Variants in PLXNC1 observed in about 807,000 individuals in gnomAD.
PLXNC1 encodes plexin C1.
PLXNC1 carries 75 observed loss-of-function variants against 178.2 expected under a neutral mutation model. The ratio of observed to expected loss-of-function variants is 0.42; its 90% CI spans 0.35 to 0.51. PLXNC1 has a LOEUF of 0.51. Among genes scored for constraint, PLXNC1 ranks in the 20% least tolerant of loss-of-function variants. The pLI is 0.02. For missense variants in PLXNC1, 1,503 were observed against 1,984.4 expected (o/e 0.76, Z 4.61); for synonymous variants, 790 against 779.9 (o/e 1.01, Z -0.22).
At chr12:94,280,816 G>T (rs1038851393) in intron 22 of PLXNC1, among the ~76,000 whole-genome samples, 1 of 152,210 alleles carries the variant, frequency 6.6e-6, no homozygotes, top group Non-Finnish European at 1.5e-5. Flanking sequence ...GTAGGTAGTA[G>T]CATCCTTACT....
chr12:94,186,264 A>G, intron 3 of PLXNC1, 109 bp from the exon 4 acceptor site: 1 of 721,730 alleles, frequency 1.4e-6, no homozygotes, highest in Non-Finnish European at 2.5e-6. Context: ...GGAGGTGTTG[A>G]GTTCAAGTTG....
intron 9 of PLXNC1, among the ~76,000 whole-genome samples, chr12:94,228,978 G>A (rs1169514966): frequency 6.6e-6 from 1 of 152,136 alleles, no homozygotes; most frequent in Non-Finnish European, 1.5e-5. Context: ...AAGAACCATT[G>A]TACCGTTTTC....
chr12:94,240,134 C>A (rs1171046365), intron 10 of PLXNC1, among the ~76,000 whole-genome samples: 1 of 152,154 alleles, frequency 6.6e-6, no homozygotes, highest in Non-Finnish European at 1.5e-5. Flanking sequence ...AGCCATAGTG[C>A]CATTATGATA....
chr12:94,200,196 C>T (rs1004161694), intron 4 of PLXNC1, among the ~76,000 whole-genome samples: 4 of 152,244 alleles, frequency 2.6e-5, no homozygotes, highest in South Asian at 4.1e-4. Context: ...TGACTTCCAA[C>T]AAGCACCATT....
chr12:94,298,821 G>A, intron 27 of PLXNC1, 26 bp downstream of exon 27: 5 of 1,592,372 alleles, frequency 3.1e-6, no homozygotes, highest in Non-Finnish European at 3.4e-6. Context: ...ATTAGTGACT[G>A]TTTTCAAGAA....
rs1023933377 is a variant in PLXNC1 at position 94,260,332 on chromosome 12, A to G, written c.3252-310A>G. Reference sequence around the variant, plus strand: ...TTTAGACTCCTAAAGTGCTGGGATTATAGGCGTGAACCACCATGCCCGGCC... The same window carrying G: ...TTTAGACTCCTAAAGTGCTGGGATTGTAGGCGTGAACCACCATGCCCGGCC... On this transcript the variant is annotated intron_variant, in intron 19 of 30. Coordinates refer to ENST00000258526, the MANE Select transcript of PLXNC1 (RefSeq NM_005761.3). This position sits in a 1 kb window ranked among gnomAD's most constrained non-coding sequence, Gnocchi z 4.4. Among the ~76,000 whole-genome samples the G allele has an allele frequency of 6.6e-6, 1 of 152,136 alleles. No homozygotes were observed. Among genetic ancestry groups the G allele is most frequent in the African/African-American group, 2.4e-5 (1 of 41,408 alleles).
intron 15 of PLXNC1, among the ~76,000 whole-genome samples, chr12:94,253,251 T>G (rs1359825851): frequency 6.6e-6 from 1 of 150,914 alleles, no homozygotes; most frequent in Non-Finnish European, 1.5e-5. Flanking sequence ...ACTTTGTATT[T>G]CCTGATTTAA....
At chr12:94,266,573 G>T (rs1965256624) in intron 21 of PLXNC1, among the ~76,000 whole-genome samples, 1 of 152,188 alleles carries the variant, frequency 6.6e-6, no homozygotes, top group Non-Finnish European at 1.5e-5. Flanking sequence ...GATGCTGCGG[G>T]TGCTGCTTAA....
chr12:94,186,537 T>TTCTCACCAACTCGCATTTTTGAAAAA, intron 4 of PLXNC1, 64 bp downstream of exon 4: 1 of 1,022,404 alleles, frequency 9.8e-7, no homozygotes, highest in Non-Finnish European at 1.5e-6. Flanking sequence ...GCAGAACACT[T>TTCTCACCAACTCGCATTTTTGAAAAA]GTTGCCCTAC....
chr12:94,306,906 T>G lies in PLXNC1; in HGVS notation c.*1621T>G, dbSNP rs930689680. On this transcript the variant is annotated 3_prime_UTR_variant, in exon 31 of 31. Coordinates refer to ENST00000258526, the MANE Select transcript of PLXNC1 (RefSeq NM_005761.3). ...ACCTCAAACAAACAAAACTACCAAA[T>G]AGATGACAGATCAGAATAAAGGTGA... The G allele has an allele frequency of 6.6e-6, 1 of 152,078 alleles. No individual in the cohort carries two copies. The highest frequency in any genetic ancestry group is 2.1e-4 in the South Asian group (1 of 4,824). 9.4% of individuals were successfully genotyped at this position (152,078 alleles called of 1,614,324 possible).
intron 2 of PLXNC1, among the ~76,000 whole-genome samples, chr12:94,175,072 T>G (rs543587622): frequency 6.6e-6 from 1 of 152,382 alleles, no homozygotes; most frequent in East Asian, 1.9e-4. Flanking sequence ...CATTAAATAC[T>G]TACCTTGCTT....
intron 7 of PLXNC1, among the ~76,000 whole-genome samples, chr12:94,224,739 C>T (rs1012294398): frequency 1.1e-4 from 16 of 151,928 alleles, no homozygotes; most frequent in Admixed American, 5.9e-4. Context: ...GACGCCATCG[C>T]TACAAAAAAA....
intron 1 of PLXNC1, among the ~76,000 whole-genome samples, chr12:94,166,838 C>T (rs1357020972): frequency 1.3e-5 from 2 of 151,666 alleles, no homozygotes; most frequent in Non-Finnish European, 2.9e-5. Context: ...TCAATCATAG[C>T]TCACTGTAAC....
rs1212212847 is a variant in PLXNC1, at chr12:94,212,012, C to T, written c.1554+2308C>T. Among the ~76,000 whole-genome samples the T allele has an allele frequency of 3.9e-5, 6 of 152,278 alleles. No individual in the cohort carries two copies. In the East Asian group the frequency reaches 7.7e-4, roughly 20 times the overall value. ...AAAGACGGCCGGGCGCGGTGGCTCACGCCTGTAATCCCAGCACGTTGGGAG... is the reference window on the plus strand; with the variant it reads ...AAAGACGGCCGGGCGCGGTGGCTCATGCCTGTAATCCCAGCACGTTGGGAG... On this transcript the variant is annotated intron_variant, in intron 5 of 30. Transcript: ENST00000258526.
intron 4 of PLXNC1, among the ~76,000 whole-genome samples, chr12:94,205,968 G>T (rs1286742027): frequency 6.6e-6 from 1 of 152,218 alleles, no homozygotes; most frequent in African/African-American, 2.4e-5. Context: ...ATGTGGCCTT[G>T]ATATGTTACT....
intron 21 of PLXNC1, among the ~76,000 whole-genome samples, chr12:94,268,367 C>T (rs532465023): frequency 4.6e-5 from 7 of 152,218 alleles, no homozygotes; most frequent in Non-Finnish European, 8.8e-5. Context: ...AAAATCCAAG[C>T]AAAGTCCCCT....
At chr12:94,167,050 GA>G (rs1288799926) in intron 1 of PLXNC1, among the ~76,000 whole-genome samples, 4 of 150,524 alleles carry the variant, frequency 2.7e-5, no homozygotes, top group East Asian at 1.9e-4. Context: ...GACTTACTTT[GA>G]AAAAAAAACT....
chr12:94,244,626 G>T (rs1014555995), intron 12 of PLXNC1, among the ~76,000 whole-genome samples: 10 of 152,194 alleles, frequency 6.6e-5, no homozygotes, highest in Non-Finnish European at 1.5e-4. Flanking sequence ...TCTAGAGCAG[G>T]GGTGTCAACC....
rs1315008954 is a variant in PLXNC1 at position 94,303,856 on chromosome 12, C to T, written c.4487C>T (p.Ser1496Leu). The change falls in exon 29 of 31, where the codon TCA becomes TTA. Residue 1496 changes from serine to leucine, a missense_variant. Physicochemically the swap from Ser to Leu is moderately radical, Grantham distance 145. Coordinates refer to ENST00000258526, the MANE Select transcript of PLXNC1 (RefSeq NM_005761.3). ...YKAIRDLPPL[S>L]SSEMEEFLTQ... is the part of the protein sequence containing the mutation. ...GCAATCAGGGATTTGCCTCCATTGT[C>T]ATCCTCAGAAATGGAAGAATTTTTA... 1 of 1,608,172 alleles carries T rather than the reference C, an allele frequency of 6.2e-7. No individual in the cohort carries two copies. Among genetic ancestry groups the T allele is most frequent in the Admixed American group, 1.7e-5 (1 of 59,344 alleles).
Sources: allele counts gnomAD v4.1 joint callset (sites outside exome capture counted in the v4.1 genomes callset), GRCh38; gene constraint gnomAD v4.1.1; non-coding constraint Gnocchi (gnomAD v3.1); transcripts MANE v1.5; gene names NCBI Gene and HGNC (gene_info 2026-07-23, HGNC 2026-07-21).